DNAJC6: variants seen among roughly 807,000 people sequenced by gnomAD.
The protein encoded by DNAJC6 is DnaJ heat shock protein family (Hsp40) member C6.
A neutral mutation model predicts 110.0 loss-of-function variants in DNAJC6; 34 were observed. The ratio of observed to expected loss-of-function variants is 0.31; its 90% CI spans 0.24 to 0.41. The LOEUF is 0.41. Ranked by LOEUF, DNAJC6 falls within the 10% of genes least tolerant of loss-of-function variation. DNAJC6 has a pLI of 1.00. For synonymous variants in DNAJC6, 406 were observed against 437.2 expected (o/e 0.93, Z 0.89); for missense variants, 1,031 against 1,207.8 (o/e 0.85, Z 2.17).
chr1:65,405,676 A>G (rs1646068923), intron 15 of DNAJC6, among the ~76,000 whole-genome samples, 194 bp from the exon 16 acceptor site: 1 of 152,182 alleles, frequency 6.6e-6, no homozygotes, highest in Admixed American at 6.5e-5. Context: ...CCATTAAAAC[A>G]TACCTAGAAA....
chr1:65,411,425 A>C lies in DNAJC6; in HGVS notation c.2810A>C (p.Lys937Thr). 6.2e-7 allele frequency: 1 copy of C among 1,613,518 alleles called. No individual in the cohort carries two copies. The highest frequency in any genetic ancestry group is 8.5e-7 in the Non-Finnish European group (1 of 1,179,590). ...GCTGTCCTGGTGGTGCACCCAGATA[A>C]AGTGGGTATAACCTGCCCTGTTGTG... The part of the protein sequence containing the change: ...RKAVLVVHPD[K>T]ATGQPYEQYA... The change falls in exon 18 of 19, where the codon AAA (lysine) becomes ACA (threonine). Residue 937 changes from lysine to threonine, a missense_variant and splice_region_variant. Physicochemically the swap from Lys to Thr is moderately conservative, Grantham distance 78. Transcript: ENST00000371069.
intron 1 of DNAJC6, among the ~76,000 whole-genome samples, chr1:65,349,838 T>C (rs1012578661): frequency 6.6e-6 from 1 of 152,160 alleles, no homozygotes; most frequent in Non-Finnish European, 1.5e-5. Context: ...TCTGCAGCAA[T>C]AGTTTTTAAC....
intron 2 of DNAJC6, 126 bp downstream of exon 2, chr1:65,364,911 A>G: frequency 7.6e-7 from 1 of 1,313,042 alleles, no homozygotes; most frequent in Non-Finnish European, 1.0e-6. Flanking sequence ...GATCTGATGA[A>G]CTGAGAAATG....
chr1:65,338,793 G>C (rs1161186521), intron 1 of DNAJC6, among the ~76,000 whole-genome samples: 1 of 152,170 alleles, frequency 6.6e-6, no homozygotes, highest in Non-Finnish European at 1.5e-5. Flanking sequence ...ACTATTTTCT[G>C]AAAGATTGGA....
intron 1 of DNAJC6, among the ~76,000 whole-genome samples, chr1:65,332,007 T>TCATGTCCTGGAGTCTCTCAG (rs1481665870): frequency 6.6e-6 from 1 of 152,202 alleles, no homozygotes; most frequent in African/African-American, 2.4e-5. Flanking sequence ...TTCTATTTCC[T>TCATGTCCTGGAGTCTCTCAG]CATGTCCTGG....
intron 1 of DNAJC6, among the ~76,000 whole-genome samples, chr1:65,297,791 C>G (rs887909475): frequency 6.6e-6 from 1 of 152,188 alleles, no homozygotes; most frequent in African/African-American, 2.4e-5. Flanking sequence ...TGAACCTCCC[C>G]CATTGCTCCT....
At chr1:65,371,452 T>C (rs1010084000) in intron 4 of DNAJC6, among the ~76,000 whole-genome samples, 1 of 152,158 alleles carries the variant, frequency 6.6e-6, no homozygotes, top group African/African-American at 2.4e-5. Flanking sequence ...CTTAGAGTCA[T>C]CATGCAGTAA....
At chr1:65,371,819 G>A (rs1397886321) in intron 4 of DNAJC6, among the ~76,000 whole-genome samples, 1 of 152,190 alleles carries the variant, frequency 6.6e-6, no homozygotes, top group Non-Finnish European at 1.5e-5. Context: ...CGACAGCATT[G>A]CGAAGTGTCA....
At chr1:65,324,688 A>AAACAAG (rs1645226457) in intron 1 of DNAJC6, among the ~76,000 whole-genome samples, 1 of 152,144 alleles carries the variant, frequency 6.6e-6, no homozygotes, top group African/African-American at 2.4e-5. Flanking sequence ...GTGTTTGTTT[A>AAACAAG]AAAGCTAGTT....
At chr1:65,290,683 G>A (rs1330519240) in intron 1 of DNAJC6, among the ~76,000 whole-genome samples, 1 of 152,096 alleles carries the variant, frequency 6.6e-6, no homozygotes, top group Non-Finnish European at 1.5e-5. Context: ...AGGGCAGTTA[G>A]CATTTGAACT....
intron 1 of DNAJC6, among the ~76,000 whole-genome samples, chr1:65,303,296 G>A (rs370819271): frequency 4.6e-5 from 7 of 152,106 alleles, no homozygotes; most frequent in African/African-American, 9.7e-5. Flanking sequence ...CTCAAAATAC[G>A]TGAATAATAA....
intron 1 of DNAJC6, among the ~76,000 whole-genome samples, chr1:65,351,184 AGGCAAAAGCT>A (rs1645487440): frequency 6.6e-6 from 1 of 152,188 alleles, no homozygotes; most frequent in Admixed American, 6.5e-5. Context: ...AAGTGCTTCC[AGGCAAAAGCT>A]GGAGCAATTG....
chr1:65,316,481 T>C (rs1339030588), intron 1 of DNAJC6, among the ~76,000 whole-genome samples: 1 of 152,214 alleles, frequency 6.6e-6, no homozygotes, highest in Non-Finnish European at 1.5e-5. Flanking sequence ...GCCTGGCCTG[T>C]CTCTCCCTCT....
upstream of DNAJC6, among the ~76,000 whole-genome samples, chr1:65,304,881 A>T (rs1645023028): frequency 6.6e-6 from 1 of 152,190 alleles, no homozygotes; most frequent in South Asian, 2.1e-4. Flanking sequence ...ACCCTCTGTA[A>T]AGGCATCTAA....
chr1:65,313,671 TC>T (rs967190529), intron 1 of DNAJC6, among the ~76,000 whole-genome samples: 4 of 152,154 alleles, frequency 2.6e-5, no homozygotes, highest in Admixed American at 2.0e-4. Context: ...TACTTTGATT[TC>T]CCCCCTGTTT....
At chr1:65,265,550 G>A (rs748316998) in intron 1 of DNAJC6, among the ~76,000 whole-genome samples, 3 of 152,148 alleles carry the variant, frequency 2.0e-5, no homozygotes, top group Non-Finnish European at 2.9e-5. Flanking sequence ...TAGAGGGATG[G>A]GGGAAGAGAG....
At chr1:65,287,809 G>A (rs1472688186) in intron 1 of DNAJC6, among the ~76,000 whole-genome samples, 1 of 152,026 alleles carries the variant, frequency 6.6e-6, no homozygotes, top group East Asian at 1.9e-4. Context: ...TCACCATGTT[G>A]CCCAGGCTGG....
chr1:65,284,097 T>C (rs1231460346), intron 1 of DNAJC6, among the ~76,000 whole-genome samples: 2 of 152,154 alleles, frequency 1.3e-5, no homozygotes, highest in Non-Finnish European at 2.9e-5. Context: ...TCCCAATGCC[T>C]GGAGAAAGTC....
chr1:65,267,373 T>G (rs1041352061), intron 1 of DNAJC6, among the ~76,000 whole-genome samples: 3 of 152,154 alleles, frequency 2.0e-5, no homozygotes, highest in African/African-American at 7.2e-5. Context: ...AGATTCCTGT[T>G]TTTCAGATTG....
Sources: allele counts gnomAD v4.1 joint callset (sites outside exome capture counted in the v4.1 genomes callset), GRCh38; gene constraint gnomAD v4.1.1; transcripts MANE v1.5; gene names NCBI Gene and HGNC (gene_info 2026-07-23, HGNC 2026-07-21).